ENO4: variants seen among roughly 807,000 people sequenced by gnomAD.
ENO4 encodes enolase 4.
Under a neutral mutation model 63.2 loss-of-function variants are expected in ENO4, and 53 were observed. That is an observed-to-expected ratio of 0.84 (90% confidence interval 0.67 to 1.05). The LOEUF is 1.05. Ranked by LOEUF, ENO4 falls within the 50% of genes least tolerant of loss-of-function variation. The probability of loss-of-function intolerance (pLI) is 0.00; values close to 1 mark genes in which losing one functional copy is unlikely to be tolerated. For missense variants in ENO4, 719 were observed against 772.0 expected (o/e 0.93, Z 0.81); for synonymous variants, 266 against 283.8 (o/e 0.94, Z 0.63).
downstream of ENO4, chr10:116,882,945 G>C (rs552066045): frequency 2.0e-5 from 3 of 149,048 alleles, no homozygotes; most frequent in East Asian, 3.9e-4. Flanking sequence ...AACATGACTG[G>C]GTGTTCACAT....
chr10:116,875,022 T>C (rs1449086720), intron 10 of ENO4, among the ~76,000 whole-genome samples: 1 of 152,160 alleles, frequency 6.6e-6, no homozygotes, highest in African/African-American at 2.4e-5. Context: ...TTTTATGATC[T>C]ATTAAAACTC....
At position 116,856,532 on chromosome 10, in the gene ENO4, A is replaced by C. The variant is rs1170139849; in HGVS notation, c.335A>C (p.His112Pro). ...GTGATCTCGACTCATTTTGAAGTCC[A>C]TGAGAATGCTCTGCCCGAGCTGGCC... ...SVVISTHFEV[H>P]ENALPELAKA... is the part of the protein sequence containing the mutation. The change falls in exon 3 of 14, where the codon CAT (histidine) becomes CCT (proline). Residue 112 changes from histidine (H) to proline (P), a missense_variant. His to Pro is a moderately conservative substitution (Grantham distance 77). This residue lies in a region of ENO4 where 544 missense variants were observed against 583.6 expected (regional missense o/e 0.93). Transcript: ENST00000341276. The C allele has an allele frequency of 6.5e-7, 1 of 1,535,828 alleles. No homozygotes were observed. The highest frequency in any genetic ancestry group is 1.2e-5 in the South Asian group (1 of 84,026).
At chr10:116,873,951 C>A in intron 9 of ENO4, 125 bp from the exon 10 acceptor site, 2 of 1,310,520 alleles carry the variant, frequency 1.5e-6, no homozygotes, top group Non-Finnish European at 2.0e-6. Context: ...GGTCAACGTG[C>A]CCTGAAAAGA....
chr10:116,899,517 G>A (rs1011463174), intron 10 of ENO4, among the ~76,000 whole-genome samples: 22 of 82,468 alleles, frequency 2.7e-4, no homozygotes, highest in Admixed American at 6.3e-4. Flanking sequence ...GTGTGTGTGT[G>A]TGTGTGTGTG....
At chr10:116,886,130 A>G, downstream of ENO4, 1 of 619,418 alleles carries the variant, frequency 1.6e-6, no homozygotes, top group Non-Finnish European at 2.7e-6. Flanking sequence ...ATCTTTATAA[A>G]GATCAAAAAA....
At chr10:116,876,282 A>G in intron 11 of ENO4, 22 bp downstream of exon 11, 1 of 1,503,324 alleles carries the variant, frequency 6.7e-7, no homozygotes, top group East Asian at 2.6e-5. Flanking sequence ...CATACATCTG[A>G]AAGACTCGTA....
chr10:116,856,557 C>G lies in ENO4; in HGVS notation c.360C>G (p.Ala120=). The G allele has an allele frequency of 6.5e-7, 1 of 1,536,098 alleles. No homozygotes were observed. Among genetic ancestry groups the G allele is most frequent in the South Asian group, 1.2e-5 (1 of 84,060 alleles). The change falls in exon 3 of 14, where the codon GCC becomes GCG. Residue 120 remains alanine (A), a synonymous_variant. Coordinates refer to ENST00000341276, the MANE Select transcript of ENO4 (RefSeq NM_001242699.2). The stretch of plus-strand genomic sequence containing the variant: ...ATGAGAATGCTCTGCCCGAGCTGGC[C>G]AAGGCGGAGGAGGCAGAGAGGGCCA... The part of the protein sequence containing the change: ...EVHENALPEL[A]KAEEAERASA...
At chr10:116,910,306 C>T (rs1848138750) in intron 10 of ENO4, among the ~76,000 whole-genome samples, 1 of 152,178 alleles carries the variant, frequency 6.6e-6, no homozygotes, top group East Asian at 1.9e-4. Flanking sequence ...TAGTGATACA[C>T]TAATGCCAGG....
At chr10:116,886,119 C>A, downstream of ENO4, 1 of 578,912 alleles carries the variant, frequency 1.7e-6, no homozygotes, top group Non-Finnish European at 2.9e-6. Context: ...AAAAAAACCT[C>A]ATCTTTATAA....
rs770377279 is a variant in ENO4, at chr10:116,880,006, T to G, written c.1723+20T>G. The G allele has an allele frequency of 6.6e-7, 1 of 1,510,928 alleles. No individual in the cohort carries two copies. Among genetic ancestry groups the G allele is most frequent in the Non-Finnish European group, 9.0e-7 (1 of 1,112,794 alleles). The allele number at this position is 1,510,928 out of a possible 1,614,324, so 93.6% of individuals were successfully genotyped here. A position where few individuals can be genotyped will look rare whatever the true frequency, so the allele number is the denominator to read the frequency against. On this transcript the variant is annotated intron_variant, in intron 13 of 13. Coordinates refer to ENST00000341276, the MANE Select transcript of ENO4 (RefSeq NM_001242699.2). ...CACTGGGTATGCGCTGCTTTCTTGC[T>G]TTGTTTCCACTTAGCCATGAATAAG...
chr10:116,861,234 A>T lies in ENO4; in HGVS notation c.936+44A>T, dbSNP rs777729236. ...AATTACCTTTTCTAAAAAAAAAAAA[A>T]AAATATATATATATATATATATACT... On this transcript the variant is annotated intron_variant, in intron 6 of 13. Coordinates refer to ENST00000341276, the MANE Select transcript of ENO4 (RefSeq NM_001242699.2). 714 of 403,772 alleles carry T rather than the reference A, an allele frequency of 1.8e-3. 1 individual carries two copies. The highest frequency in any genetic ancestry group is 0.01 in the Middle Eastern group (10 of 994). 25.0% of individuals were successfully genotyped at this position (403,772 alleles called of 1,614,324 possible). A position where few individuals can be genotyped will look rare whatever the true frequency, so the allele number is the denominator to read the frequency against.
Position 116,871,240 on chromosome 10 carries a change from G to A in ENO4, c.1163G>A (p.Gly388Glu). 1 of 1,550,360 alleles carries A rather than the reference G, an allele frequency of 6.5e-7. No homozygotes were observed. The highest frequency in any genetic ancestry group is 8.7e-7 in the Non-Finnish European group (1 of 1,146,970). The change falls in exon 9 of 14, where the codon GGA becomes GAA. Residue 388 changes from glycine to glutamate, a missense_variant. Gly to Glu is a moderately conservative substitution (Grantham distance 98). Coordinates refer to ENST00000341276, the MANE Select transcript of ENO4 (RefSeq NM_001242699.2). The part of the protein sequence containing the change: ...EICANLGLEL[G>E]TNLHLAINCA... ...TGTGCCAACCTGGGGCTAGAACTGG[G>A]AACAAATCTGCATCTAGCTATCAAC...
At chr10:116,856,193 A>G (rs578122906) in intron 2 of ENO4, among the ~76,000 whole-genome samples, 11 of 152,328 alleles carry the variant, frequency 7.2e-5, no homozygotes, top group Admixed American at 6.5e-4. Context: ...AATTTTTGCC[A>G]TAGTCTCTGG....
intron 11 of ENO4, among the ~76,000 whole-genome samples, chr10:116,878,559 C>G (rs770775194): frequency 6.6e-6 from 1 of 152,082 alleles, no homozygotes; most frequent in Non-Finnish European, 1.5e-5. Context: ...CGTAGGCATA[C>G]CAACTCCACG....
intron 1 of ENO4, among the ~76,000 whole-genome samples, chr10:116,854,713 C>T (rs1473956384): frequency 6.6e-6 from 1 of 151,426 alleles, no homozygotes; most frequent in Non-Finnish European, 1.5e-5. Flanking sequence ...AAGGCTGAGG[C>T]GGAAGGATTG....
At chr10:116,886,598 A>G (rs1302254073), downstream of ENO4, 3 of 1,610,318 alleles carry the variant, frequency 1.9e-6, no homozygotes, top group African/African-American at 2.7e-5. Context: ...AAAAAAAGTA[A>G]AAAGCAGAGA....
At chr10:116,867,421 CAAAAAAAAAA>C (rs35426438) in intron 7 of ENO4, among the ~76,000 whole-genome samples, 1 of 137,756 alleles carries the variant, frequency 7.3e-6, no homozygotes, top group Non-Finnish European at 1.5e-5. Flanking sequence ...AAATATTTAC[CAAAAAAAAAA>C]AAAAAAAATT....
intron 6 of ENO4, 65 bp from the exon 7 acceptor site, chr10:116,862,734 A>T: frequency 8.2e-7 from 1 of 1,215,924 alleles, no homozygotes; most frequent in Non-Finnish European, 1.2e-6. Flanking sequence ...GCCACGTGTT[A>T]TAAGTTTTTA....
Position 116,862,785 on chromosome 10 carries a change from T to G in ENO4, c.937-14T>G, listed in dbSNP as rs376250619. The G allele has an allele frequency of 2.6e-4, 402 of 1,547,318 alleles. 9 individuals are homozygous for G. The South Asian group carries it at 3.4e-3, about 13-fold the overall frequency. Reference sequence around the variant, plus strand: ...GTCTGCAACTGTGGAAGATCATGGTTGTTCTACTTACAGGGTGTCGAGATG... The same window carrying G: ...GTCTGCAACTGTGGAAGATCATGGTGGTTCTACTTACAGGGTGTCGAGATG... On this transcript the variant is annotated splice_polypyrimidine_tract_variant and intron_variant, in intron 6 of 13. Coordinates refer to ENST00000341276, the MANE Select transcript of ENO4 (RefSeq NM_001242699.2).
Sources: allele counts gnomAD v4.1 joint callset (sites outside exome capture counted in the v4.1 genomes callset), GRCh38; gene constraint gnomAD v4.1.1; regional missense constraint gnomAD v4.1.1; transcripts MANE v1.5; gene names NCBI Gene and HGNC (gene_info 2026-07-23, HGNC 2026-07-21).